The following CLASP2 variants were observed in gnomAD, a reference collection of about 807,000 sequenced individuals.
The protein encoded by CLASP2 is CLIP-associating protein 2.
Under a neutral mutation model 194.4 loss-of-function variants are expected in CLASP2, and 47 were observed. That is an observed-to-expected ratio of 0.24 (90% CI 0.19 to 0.31). CLASP2 has a LOEUF of 0.31. Among genes scored for constraint, CLASP2 ranks in the 10% least tolerant of loss-of-function variants. The pLI is 1.00. For synonymous variants in CLASP2, 619 were observed against 633.5 expected, an observed-to-expected ratio of 0.98 and a Z score of 0.34; for missense variants, 1,445 against 1,823.6, an observed-to-expected ratio of 0.79 and a Z score of 3.78.
At chr3:33,593,912 T>C (rs1576924958) in intron 20 of CLASP2, among the ~76,000 whole-genome samples, 3 of 152,326 alleles carry the variant, frequency 2.0e-5, no homozygotes. Context: ...GGCATGATCA[T>C]GGCTCACTGT....
At chr3:33,550,753 G>A (rs149440327) in intron 30 of CLASP2, among the ~76,000 whole-genome samples, 1 of 152,172 alleles carries the variant, frequency 6.6e-6, no homozygotes, top group Non-Finnish European at 1.5e-5. Flanking sequence ...GTATAAAAGT[G>A]AATACCTGCA....
At chr3:33,666,059 G>A (rs1389949423) in intron 6 of CLASP2, among the ~76,000 whole-genome samples, 1 of 152,082 alleles carries the variant, frequency 6.6e-6, no homozygotes, top group East Asian at 1.9e-4. Context: ...TAACTCATAG[G>A]GTAAGGAGGA....
intron 23 of CLASP2, 160 bp from the exon 24 acceptor site, chr3:33,576,435 C>CA: frequency 1.8e-6 from 1 of 560,606 alleles, no homozygotes; most frequent in Non-Finnish European, 3.2e-6. Flanking sequence ...TAGTTTTTGG[C>CA]AAAATAAAAG....
chr3:33,531,531 T>G (rs761012974), intron 34 of CLASP2, among the ~76,000 whole-genome samples: 5 of 152,164 alleles, frequency 3.3e-5, no homozygotes, highest in Non-Finnish European at 4.4e-5. Context: ...ATCTCGGCAC[T>G]TTGGGAGGCC....
chr3:33,570,703 A>G, intron 26 of CLASP2, 24 bp downstream of exon 26: 3 of 1,583,418 alleles, frequency 1.9e-6, no homozygotes, highest in Non-Finnish European at 1.7e-6. Flanking sequence ...ATAGAAATAA[A>G]TAATCTTAAA....
In CLASP2 at chr3:33,510,723, A is replaced by G. The variant is rs967633029; in HGVS notation, c.4152T>C (p.Thr1384=). 4 of 1,613,058 alleles carry G rather than the reference A, an allele frequency of 2.5e-6. No individual in the cohort carries two copies. The highest frequency in any genetic ancestry group is 3.4e-6 in the Non-Finnish European group (4 of 1,179,558). Residue 1384 remains threonine (T), a synonymous_variant, in exon 37 of 39, where the codon ACT becomes ACC. Coordinates refer to ENST00000682230, the MANE Select transcript of CLASP2 (RefSeq NM_001365631.1). The part of the protein sequence containing the change: ...SAEEAASVLA[T]SISPEQCIKV... ...TGATGCACTGCTCTGGACTAATTGA[A>G]GTGGCCAACACTGATGCCGCTTCCT... is the stretch of plus-strand genomic sequence containing the variant.
chr3:33,557,204 C>A (rs2061104178), intron 29 of CLASP2, among the ~76,000 whole-genome samples: 1 of 151,916 alleles, frequency 6.6e-6, no homozygotes, highest in Non-Finnish European at 1.5e-5. Context: ...AAACTCCTGA[C>A]CTCAAGTGAT....
chr3:33,532,540 A>C (rs1475874757), intron 34 of CLASP2, among the ~76,000 whole-genome samples: 1 of 152,242 alleles, frequency 6.6e-6, no homozygotes, highest in Non-Finnish European at 1.5e-5. Flanking sequence ...GTGTATTTTA[A>C]CACAGCAAAA....
chr3:33,658,951 G>A (rs1444171394), intron 7 of CLASP2: 1 of 1,526,702 alleles, frequency 6.6e-7, no homozygotes. Context: ...ACAAGCAAAA[G>A]AAGAAAAATA....
At chr3:33,701,373 G>A (rs2092361591) in intron 1 of CLASP2, among the ~76,000 whole-genome samples, 2 of 152,240 alleles carry the variant, frequency 1.3e-5, no homozygotes, top group Admixed American at 1.3e-4. Context: ...ACTTCTGGAG[G>A]CTGAGACAAG....
At chr3:33,676,015 A>T (rs1385531534) in intron 6 of CLASP2, among the ~76,000 whole-genome samples, 5 of 151,864 alleles carry the variant, frequency 3.3e-5, no homozygotes, top group South Asian at 2.1e-4. Flanking sequence ...TGCCCAAGGT[A>T]ATTTATAGAT....
Position 33,675,771 on chromosome 3 carries a change from C to T in CLASP2, c.644+8588G>A, listed in dbSNP as rs1270294064. ...ATACAAAATCAATGTACAAAAATCA[C>T]AAGCATTCTTATATACCAATAACAG... is the stretch of plus-strand genomic sequence containing the variant. On this transcript the variant is annotated intron_variant, in intron 6 of 38. Transcript: ENST00000682230. Among the ~76,000 whole-genome samples the T allele has an allele frequency of 1.4e-5, 2 of 142,140 alleles. 1 individual carries two copies. Among genetic ancestry groups the T allele is most frequent in the African/African-American group, 5.0e-5 (2 of 39,722 alleles). The allele number at this position is 142,140 out of a possible 152,430, so 93.2% of individuals were successfully genotyped here.
chr3:33,690,141 A>C (rs1297920553), intron 2 of CLASP2, among the ~76,000 whole-genome samples: 1 of 152,212 alleles, frequency 6.6e-6, no homozygotes, highest in Non-Finnish European at 1.5e-5. Flanking sequence ...CCTTATAATA[A>C]TGTTAAAAAA....
Position 33,540,583 on chromosome 3 carries a change from C to T in CLASP2, c.3405-1641G>A, listed in dbSNP as rs544462742. On this transcript the variant is annotated intron_variant, in intron 32 of 38. Transcript: ENST00000682230. Reference sequence around the variant, plus strand: ...TTTAAAATCAAATGCTGAAATTCAACTGAAGCTGGAATTTAGCTACCAAAT... The same window carrying T: ...TTTAAAATCAAATGCTGAAATTCAATTGAAGCTGGAATTTAGCTACCAAAT... Among the ~76,000 whole-genome samples the T allele has an allele frequency of 3.9e-5, 6 of 152,100 alleles. No individual in the cohort carries two copies. In the South Asian group the frequency reaches 1.2e-3, roughly 32 times the overall value.
intron 7 of CLASP2, among the ~76,000 whole-genome samples, chr3:33,652,365 C>T (rs2083361165): frequency 6.6e-6 from 1 of 152,148 alleles, no homozygotes; most frequent in South Asian, 2.1e-4. Context: ...GATTAGGAAA[C>T]ATTAATCCCT....
At chr3:33,518,394 T>A (rs1553713372) in intron 34 of CLASP2, among the ~76,000 whole-genome samples, 1 of 152,202 alleles carries the variant, frequency 6.6e-6, no homozygotes, top group Non-Finnish European at 1.5e-5. Context: ...CCTCTTAAAT[T>A]TTTTTATGAT....
chr3:33,572,217 T>A (rs1220235867), intron 25 of CLASP2, among the ~76,000 whole-genome samples: 1 of 152,206 alleles, frequency 6.6e-6, no homozygotes, highest in African/African-American at 2.4e-5. Flanking sequence ...AAACTATGCC[T>A]ACTCCCTTGC....
At chr3:33,620,341 A>G (rs2076909935) in intron 11 of CLASP2, among the ~76,000 whole-genome samples, 2 of 152,302 alleles carry the variant, frequency 1.3e-5, no homozygotes, top group South Asian at 4.1e-4. Context: ...GTGTACTTAA[A>G]CAACTAAACC....
At chr3:33,623,353 T>G (rs994175517) in intron 10 of CLASP2, among the ~76,000 whole-genome samples, 22 of 152,288 alleles carry the variant, frequency 1.4e-4, no homozygotes, top group African/African-American at 4.6e-4. Flanking sequence ...TGCCTAACAC[T>G]GGATCTTATT....
Sources: gnomAD v4.1 joint callset for allele counts (sites outside exome capture counted in the v4.1 genomes callset) on GRCh38, gnomAD v4.1.1 for gene constraint, MANE v1.5 for transcripts, NCBI Gene and HGNC (gene_info 2026-07-23, HGNC 2026-07-21) for gene names.